The following APOA5 variants were observed in gnomAD, a reference collection of about 807,000 sequenced individuals.
APOA5 encodes the protein apolipoprotein A5, also known as apolipoprotein A-V.
Under a neutral mutation model 31.8 loss-of-function variants are expected in APOA5, and 26 were observed. The observed-to-expected ratio is 0.82, with a 90% CI of 0.60 to 1.13. The LOEUF is 1.13. Among genes scored for constraint, APOA5 ranks in the 50% most tolerant of loss-of-function variants. APOA5 has a pLI of 0.00. For missense variants in APOA5, 450 were observed against 488.0 expected (o/e 0.92, Z 0.73); for synonymous variants, 186 against 198.5 (o/e 0.94, Z 0.53).
chr11:116,791,919 G>A, upstream of APOA5: 15 of 1,595,066 alleles, frequency 9.4e-6, no homozygotes, highest in South Asian at 1.4e-4. Context: ...GGAGACGAAG[G>A]GACATGGCGC....
At chr11:116,791,563 C>T (rs1445371191) in intron 2 of APOA5, 23 bp downstream of exon 2, 1 of 1,580,382 alleles carries the variant, frequency 6.3e-7, no homozygotes, top group African/African-American at 1.4e-5. Flanking sequence ...CCTTCGCCTA[C>T]ACCCCTTCCC....
Position 116,790,081 on chromosome 11 carries a change from A to C in APOA5, c.*47T>G, listed in dbSNP as rs369740771. On this transcript the variant is annotated 3_prime_UTR_variant, in exon 3 of 3. Transcript: ENST00000227665. ...GAACCATGCTAGAGGCTCAGAGCCA[A>C]GGCTCCCCAGACAAGGAGCTGGGAA... 5.0e-6 allele frequency: 8 copies of C among 1,591,592 alleles called. No individual in the cohort carries two copies. The highest frequency in any genetic ancestry group is 6.9e-6 in the Non-Finnish European group (8 of 1,165,382).
At position 116,790,638 on chromosome 11, in the gene APOA5, G is replaced by A. The variant is rs1277126015; in HGVS notation, c.591C>T (p.Ser197=). The A allele has an allele frequency of 6.2e-7, 1 of 1,611,120 alleles. No homozygotes were observed. The highest frequency in any genetic ancestry group is 8.5e-7 in the Non-Finnish European group (1 of 1,179,842). Residue 197 remains serine (S), a synonymous_variant, in exon 3 of 3, where the codon AGC becomes AGT. Coordinates refer to ENST00000227665, the MANE Select transcript of APOA5 (RefSeq NM_001371904.1). ...CGTGGCGCCCGATGCCGCTCACCAG[G>A]CTCTCGGCGTATGGGTGGAAGAGCT... ...FKELFHPYAE[S]LVSGIGRHVQ... is the part of the protein sequence containing the mutation.
upstream of APOA5, chr11:116,791,914 C>T (rs917732076): frequency 3.7e-5 from 59 of 1,601,496 alleles, no homozygotes; most frequent in Admixed American, 8.4e-5. Flanking sequence ...AAGAAGGAGA[C>T]GAAGGGACAT....
At chr11:116,791,495 G>T in intron 2 of APOA5, 91 bp downstream of exon 2, 1 of 1,298,008 alleles carries the variant, frequency 7.7e-7, no homozygotes, top group Non-Finnish European at 1.1e-6. Flanking sequence ...CCCAGCAGCG[G>T]CCACAGAGGT....
At chr11:116,791,378 G>A in intron 2 of APOA5, 1 of 713,720 alleles carries the variant, frequency 1.4e-6, no homozygotes. Flanking sequence ...TGAGCAAGGG[G>A]GCAACAGCTA....
chr11:116,790,436 C>T lies in APOA5; in HGVS notation c.793G>A (p.Gly265Arg), dbSNP rs1940978074. The change falls in exon 3 of 3, where the codon GGG becomes AGG. Residue 265 changes from glycine (G) to arginine (R), a missense_variant. By Grantham distance (125) the Gly-to-Arg change is moderately radical. Coordinates refer to ENST00000227665, the MANE Select transcript of APOA5 (RefSeq NM_001371904.1). ...TCCGGGCCGGCCCCTTCCTCAGTCC[C>T]AGTGCCTGCAAAGGCTCTGCTGAGC... ...EELSRAFAGTGTEEGAGPDPQ... is the reference protein window; with the variant it reads ...EELSRAFAGTRTEEGAGPDPQ... The T allele has an allele frequency of 4.4e-6, 7 of 1,605,224 alleles. No homozygotes were observed. The highest frequency in any genetic ancestry group is 5.9e-6 in the Non-Finnish European group (7 of 1,179,982).
At position 116,789,782 on chromosome 11, in the gene APOA5, C is replaced by T. The variant is rs1222282837; in HGVS notation, c.*346G>A. 2.5e-6 allele frequency: 1 copy of T among 392,686 alleles called. No homozygotes were observed. The highest frequency in any genetic ancestry group is 4.8e-6 in the Non-Finnish European group (1 of 206,768). The allele number at this position is 392,686 out of a possible 1,614,324, so 24.3% of individuals were successfully genotyped here. On this transcript the variant is annotated 3_prime_UTR_variant, in exon 3 of 3. Transcript: ENST00000227665. ...AGCCAAACTCCAGGATGTAGTGGCACAGGCTTCCAGCATCACGGCAAACAG... is the reference window on the plus strand; with the variant it reads ...AGCCAAACTCCAGGATGTAGTGGCATAGGCTTCCAGCATCACGGCAAACAG...
At chr11:116,791,902 G>A (rs200996757), upstream of APOA5, 54 of 1,610,408 alleles carry the variant, frequency 3.4e-5, no homozygotes, top group African/African-American at 7.1e-4. Context: ...CCTGGTTAGG[G>A]GAAGAAGGAG....
Position 116,790,596 on chromosome 11 carries a change from G to A in APOA5, c.633C>T (p.Arg211=), listed in dbSNP as rs2134203147. 2 of 1,604,556 alleles carry A rather than the reference G, an allele frequency of 1.2e-6. No individual in the cohort carries two copies. Among genetic ancestry groups the A allele is most frequent in the African/African-American group, 2.7e-5 (2 of 75,036 alleles). ...GIGRHVQELH[R]SVAPHAPASP... ...TGGCGGGGGCGTGCGGAGCCACACT[G>A]CGGTGCAGCTCCTGCACGTGGCGCC... Residue 211 remains arginine, a synonymous_variant, in exon 3 of 3, where the codon CGC becomes CGT. Coordinates refer to ENST00000227665, the MANE Select transcript of APOA5 (RefSeq NM_001371904.1).
chr11:116,790,063 G>A lies in APOA5; in HGVS notation c.*65C>T. 3.9e-6 allele frequency: 6 copies of A among 1,543,122 alleles called. No individual in the cohort carries two copies. Among genetic ancestry groups the A allele is most frequent in the Non-Finnish European group, 5.3e-6 (6 of 1,129,376 alleles). On this transcript the variant is annotated 3_prime_UTR_variant, in exon 3 of 3. Coordinates refer to ENST00000227665, the MANE Select transcript of APOA5 (RefSeq NM_001371904.1). ...AGGCCACTTTCAAGGACTGAACCAT[G>A]CTAGAGGCTCAGAGCCAAGGCTCCC...
intron 2 of APOA5, chr11:116,791,337 C>T: frequency 1.4e-6 from 1 of 702,370 alleles, no homozygotes; most frequent in Non-Finnish European, 2.6e-6. Flanking sequence ...AGCGGGCGTC[C>T]TCCCGATTGA....
chr11:116,792,374 G>T, upstream of APOA5: 1 of 219,154 alleles, frequency 4.6e-6, no homozygotes, highest in Non-Finnish European at 9.3e-6. Context: ...TGCCCCAGCT[G>T]CTCACCTGCT....
At position 116,790,594 on chromosome 11, in the gene APOA5, C is replaced by A. The variant is rs1032962782; in HGVS notation, c.635G>T (p.Ser212Ile). Residue 212 changes from serine to isoleucine, a missense_variant, in exon 3 of 3, where the codon AGT becomes ATT. Ser to Ile is a moderately radical substitution (Grantham distance 142). Transcript: ENST00000227665. ...GCTGGCGGGGGCGTGCGGAGCCACA[C>A]TGCGGTGCAGCTCCTGCACGTGGCG... ...IGRHVQELHR[S>I]VAPHAPASPA... 3.1e-6 allele frequency: 5 copies of A among 1,604,096 alleles called. No individual in the cohort carries two copies. Among genetic ancestry groups the A allele is most frequent in the African/African-American group, 1.3e-5 (1 of 74,926 alleles).
rs781206581 is a variant in APOA5 at position 116,790,471 on chromosome 11, A to G, written c.758T>C (p.Leu253Pro). 15 of 1,602,904 alleles carry G rather than the reference A, an allele frequency of 9.4e-6. No individual in the cohort carries two copies. The Admixed American group carries it at 2.3e-4, about 25-fold the overall frequency. Residue 253 changes from leucine (L) to proline (P), a missense_variant, in exon 3 of 3, where the codon CTG (leucine) becomes CCG (proline). Coordinates refer to ENST00000227665, the MANE Select transcript of APOA5 (RefSeq NM_001371904.1). ...AAAGGCTCTGCTGAGCTCTTCGCGC[A>G]GCTGGTCCAGGTTCTGCTGGATGCG... ...HARIQQNLDQ[L>P]REELSRAFAG...
chr11:116,791,627 C>G lies in APOA5; in HGVS notation c.120G>C (p.Arg40Ser), dbSNP rs1941014690. Residue 40 changes from arginine to serine, a missense_variant, in exon 2 of 3, where the codon AGG becomes AGC. By Grantham distance (110) the Arg-to-Ser change is moderately radical. Coordinates refer to ENST00000227665, the MANE Select transcript of APOA5 (RefSeq NM_001371904.1). The part of the protein sequence containing the change: ...YFSQTSGDKG[R>S]VEQIHQQKMA... ...TCTTCTGCTGATGGATCTGCTCCAC[C>G]CTGCCTTTGTCCCCGCTGGTCTGGC... The G allele has an allele frequency of 6.2e-7, 1 of 1,609,522 alleles. No homozygotes were observed. Among genetic ancestry groups the G allele is most frequent in the African/African-American group, 1.3e-5 (1 of 74,816 alleles).
At chr11:116,791,094 C>T in intron 2 of APOA5, 27 bp from the exon 3 acceptor site, 2 of 1,563,654 alleles carry the variant, frequency 1.3e-6, no homozygotes, top group Middle Eastern at 1.7e-4. Flanking sequence ...ATATCCAGGC[C>T]GTCAGACTGC....
chr11:116,790,581 G>A lies in APOA5; in HGVS notation c.648C>T (p.His216=), dbSNP rs370906477. ...TGAGGCGCGCGGGGCTGGCGGGGGC[G>A]TGCGGAGCCACACTGCGGTGCAGCT... ...VQELHRSVAP[H]APASPARLSR... is the part of the protein sequence containing the mutation. Residue 216 remains histidine, a synonymous_variant, in exon 3 of 3, where the codon CAC becomes CAT. Coordinates refer to ENST00000227665, the MANE Select transcript of APOA5 (RefSeq NM_001371904.1). 469 of 1,599,014 alleles carry A rather than the reference G, an allele frequency of 2.9e-4. 1 individual carries two copies. The highest frequency in any genetic ancestry group is 3.6e-4 in the Non-Finnish European group (422 of 1,177,310).
intron 2 of APOA5, 87 bp downstream of exon 2, chr11:116,791,499 C>A: frequency 7.4e-7 from 1 of 1,343,054 alleles, no homozygotes; most frequent in Non-Finnish European, 1.0e-6. Flanking sequence ...GCAGCGGCCA[C>A]AGAGGTTGAG....
Sources: gnomAD v4.1 joint callset for allele counts on GRCh38, gnomAD v4.1.1 for gene constraint, MANE v1.5 for transcripts, NCBI Gene and HGNC (gene_info 2026-07-23, HGNC 2026-07-21) for gene names.